CEP83: variants seen among roughly 807,000 people sequenced by gnomAD.
CEP83 encodes centrosomal protein 83.
A neutral mutation model predicts 101.9 loss-of-function variants in CEP83; 70 were observed. The observed-to-expected ratio is 0.69, with a 90% CI of 0.57 to 0.84. The LOEUF (loss-of-function observed/expected upper bound fraction) is 0.84. Ranked by LOEUF, CEP83 falls within the 40% of genes least tolerant of loss-of-function variation. The pLI, the probability that CEP83 is intolerant of heterozygous loss-of-function variation, is 0.00. For synonymous variants in CEP83, 264 were observed against 267.9 expected (o/e 0.99, Z 0.14); for missense variants, 715 against 787.2 (o/e 0.91, Z 1.10).
At chr12:94,293,769 C>T in the CEP83 span, among the ~76,000 whole-genome samples, 38 of 152,264 alleles carry the variant, frequency 2.5e-4, no homozygotes, top group Middle Eastern at 6.8e-3. Context: ...CAGGTGTGCA[C>T]CAATGCGCCC....
rs1970093956 is a variant in CEP83, at chr12:94,312,927, G to A, written c.1798C>T (p.Gln600Ter). The change falls in exon 15 of 17, where the codon CAG (glutamine) becomes TAG (stop). Residue 600 changes from glutamine to a stop codon, truncating the protein, a stop_gained. Coordinates refer to ENST00000397809, the MANE Select transcript of CEP83 (RefSeq NM_016122.3). LOFTEE classifies it high-confidence loss of function. ...CAAACACATTACCTATTTAAGACCTGATTTTCTGTTTCCAATTCTTCTTTC... is the reference window on the plus strand; with the variant it reads ...CAAACACATTACCTATTTAAGACCTAATTTTCTGTTTCCAATTCTTCTTTC... ...AKKEELETEN[Q>*]VLNRQNVPFE... 1 of 1,557,942 alleles carries A rather than the reference G, an allele frequency of 6.4e-7. No homozygotes were observed.
At chr12:94,452,373 G>A (rs1267893473) in intron 1 of CEP83, among the ~76,000 whole-genome samples, 2 of 152,076 alleles carry the variant, frequency 1.3e-5, no homozygotes, top group Admixed American at 1.3e-4. Context: ...AAAAGGGCTA[G>A]GTAGAAGAAA....
rs1566001244 is a variant in CEP83, at chr12:94,368,186, T to C, written c.1064A>G (p.Asn355Ser). The change falls in exon 10 of 17, where the codon AAT becomes AGT. Residue 355 changes from asparagine (N) to serine (S), a missense_variant. By Grantham distance (46) the Asn-to-Ser change is conservative. Coordinates refer to ENST00000397809, the MANE Select transcript of CEP83 (RefSeq NM_016122.3). Reference protein sequence around the residue: ...QSELDGLQSDNEILKAAVEHH... With the variant: ...QSELDGLQSDSEILKAAVEHH... ...TTCAACAGCTGCTTTGAGAATTTCA[T>C]TGTCTGACTGTAATCCTAGTGTTTT... The C allele has an allele frequency of 4.3e-6, 7 of 1,612,294 alleles. No individual in the cohort carries two copies. Among genetic ancestry groups the C allele is most frequent in the African/African-American group, 1.3e-5 (1 of 75,026 alleles).
chr12:94,430,363 TAAAG>T (rs1212163827), intron 2 of CEP83, among the ~76,000 whole-genome samples: 4 of 149,946 alleles, frequency 2.7e-5, no homozygotes, highest in African/African-American at 7.4e-5. Flanking sequence ...AAAAATAACA[TAAAG>T]AAATCAGAAA....
the CEP83 span, among the ~76,000 whole-genome samples, chr12:94,281,351 CA>C: frequency 1.3e-5 from 2 of 152,108 alleles, no homozygotes; most frequent in African/African-American, 4.8e-5. Context: ...GCTCTTACAG[CA>C]GAGACTCAAA....
chr12:94,290,012 G>C, the CEP83 span, among the ~76,000 whole-genome samples: 1 of 152,112 alleles, frequency 6.6e-6, no homozygotes, highest in Admixed American at 6.5e-5. Context: ...GGAGACATTT[G>C]AACTTTTGGC....
chr12:94,425,952 C>T (rs2065164329), intron 2 of CEP83, among the ~76,000 whole-genome samples: 1 of 151,948 alleles, frequency 6.6e-6, no homozygotes, highest in Admixed American at 6.6e-5. Flanking sequence ...AACCCCATCT[C>T]TACTAAAAAT....
At chr12:94,394,814 T>C (rs1173846657) in intron 6 of CEP83, among the ~76,000 whole-genome samples, 1 of 152,132 alleles carries the variant, frequency 6.6e-6, no homozygotes, top group Non-Finnish European at 1.5e-5. Context: ...GGGCAAAGGA[T>C]ATGAACAGAC....
chr12:94,376,684 C>CAT (rs201819101), intron 7 of CEP83, among the ~76,000 whole-genome samples: 3,047 of 133,312 alleles, frequency 0.023, 58 homozygotes, highest in African/African-American at 0.051. Context: ...AATATATATA[C>CAT]ATATATACAC....
At chr12:94,300,031 GA>G in the CEP83 span, among the ~76,000 whole-genome samples, 2 of 152,200 alleles carry the variant, frequency 1.3e-5, no homozygotes, top group Non-Finnish European at 2.9e-5. Context: ...GGCCAGAGTT[GA>G]AAAGGAGATA....
At chr12:94,324,081 AAT>A (rs2058864287) in intron 14 of CEP83, among the ~76,000 whole-genome samples, 1 of 152,208 alleles carries the variant, frequency 6.6e-6, no homozygotes, top group Non-Finnish European at 1.5e-5. Flanking sequence ...TCAGTTTGCT[AAT>A]ATTTAAGATT....
chr12:94,363,744 T>C (rs558154661), intron 11 of CEP83, among the ~76,000 whole-genome samples: 1 of 151,950 alleles, frequency 6.6e-6, no homozygotes, highest in African/African-American at 2.4e-5. Context: ...AGGTCATGAG[T>C]TCGAGACCAG....
chr12:94,378,914 A>G lies in CEP83; in HGVS notation c.678T>C (p.Gly226=). 6.2e-7 allele frequency: 1 copy of G among 1,613,960 alleles called. No individual in the cohort carries two copies. Among genetic ancestry groups the G allele is most frequent in the Non-Finnish European group, 8.5e-7 (1 of 1,179,942 alleles). Residue 226 remains glycine, a synonymous_variant, in exon 7 of 17, where the codon GGT becomes GGC. Coordinates refer to ENST00000397809, the MANE Select transcript of CEP83 (RefSeq NM_016122.3). The part of the protein sequence containing the change: ...EKVYLCQKLK[G]LEAEVAELKA... ...TTAATTCCGCTACTTCAGCCTCTAA[A>G]CCTTTTAATTTTTGACACAAATAGA...
At chr12:94,364,486 A>G (rs2060924710) in intron 11 of CEP83, among the ~76,000 whole-genome samples, 1 of 152,116 alleles carries the variant, frequency 6.6e-6, no homozygotes, top group Non-Finnish European at 1.5e-5. Context: ...TTAAAGTATC[A>G]TAATAATGGT....
chr12:94,369,300 A>G (rs1054673758), intron 9 of CEP83: 6 of 151,826 alleles, frequency 4.0e-5, no homozygotes, highest in African/African-American at 1.5e-4. Context: ...TTAAAAATAC[A>G]AAAAAATAGC....
chr12:94,356,392 C>T (rs554065067), intron 11 of CEP83, among the ~76,000 whole-genome samples: 1 of 152,196 alleles, frequency 6.6e-6, no homozygotes, highest in Non-Finnish European at 1.5e-5. Context: ...CCCTTCTGCA[C>T]CCCCTCATTA....
intron 14 of CEP83, among the ~76,000 whole-genome samples, chr12:94,325,648 G>A (rs138819940): frequency 1.4e-3 from 213 of 152,296 alleles, no homozygotes; most frequent in Non-Finnish European, 2.2e-3. Context: ...CAGATATGTT[G>A]AGTAAATTGG....
chr12:94,372,376 T>C (rs1381579873), intron 8 of CEP83, among the ~76,000 whole-genome samples: 1 of 152,244 alleles, frequency 6.6e-6, no homozygotes, highest in African/African-American at 2.4e-5. Flanking sequence ...ACTTAAACTT[T>C]CTGTAGATTG....
chr12:94,357,716 T>C (rs1451448946), intron 11 of CEP83, among the ~76,000 whole-genome samples: 7 of 152,212 alleles, frequency 4.6e-5, no homozygotes, highest in African/African-American at 1.7e-4. Flanking sequence ...GCAGGGACTA[T>C]AGGATTACTT....
Sources: gnomAD v4.1 joint callset for allele counts (sites outside exome capture counted in the v4.1 genomes callset) on GRCh38, gnomAD v4.1.1 for gene constraint, MANE v1.5 for transcripts, NCBI Gene and HGNC (gene_info 2026-07-23, HGNC 2026-07-21) for gene names.